CFAP100: variants seen among roughly 807,000 people sequenced by gnomAD.
CFAP100 encodes cilia and flagella associated protein 100.
Under a neutral mutation model 81.5 loss-of-function variants are expected in CFAP100, and 70 were observed. The observed-to-expected ratio is 0.86, with a 90% CI of 0.71 to 1.05. The LOEUF is 1.05. Ranked by LOEUF, CFAP100 falls within the 50% of genes least tolerant of loss-of-function variation. The pLI, the probability that CFAP100 is intolerant of heterozygous loss-of-function variation, is 0.00. For synonymous variants in CFAP100, 341 were observed against 314.8 expected (o/e 1.08, Z -0.88); for missense variants, 811 against 776.5 (o/e 1.04, Z -0.53).
intron 13 of CFAP100, among the ~76,000 whole-genome samples, chr3:126,428,483 G>A (rs1003063132): frequency 2.6e-5 from 4 of 152,188 alleles, no homozygotes; most frequent in African/African-American, 7.2e-5. Flanking sequence ...AGAATACACA[G>A]TACCAAGAGG....
intron 15 of CFAP100, chr3:126,434,607 C>A: frequency 1.8e-6 from 1 of 543,122 alleles, no homozygotes; most frequent in Non-Finnish European, 3.3e-6. Context: ...CTCGATGTGG[C>A]CAGGAGGCTC....
At chr3:126,398,277 T>TGGGGGGG (rs2082919472) in intron 2 of CFAP100, among the ~76,000 whole-genome samples, 1 of 152,156 alleles carries the variant, frequency 6.6e-6, no homozygotes, top group Non-Finnish European at 1.5e-5. Context: ...GGAGAGGCAC[T>TGGGGGGG]GGGGTCGCGC....
At chr3:126,419,481 T>C (rs1159318966) in intron 8 of CFAP100, among the ~76,000 whole-genome samples, 156 bp from the exon 9 acceptor site, 1 of 152,176 alleles carries the variant, frequency 6.6e-6, no homozygotes. Context: ...GGTGGGTGCC[T>C]GTCTTCCAGC....
intron 8 of CFAP100, 59 bp from the exon 9 acceptor site, chr3:126,419,578 C>A (rs1158929406): frequency 6.5e-7 from 1 of 1,528,022 alleles, no homozygotes; most frequent in Admixed American, 1.8e-5. Context: ...GGCATGGGGA[C>A]CTCGCTGTGG....
intron 2 of CFAP100, among the ~76,000 whole-genome samples, chr3:126,401,619 T>C (rs1462253901): frequency 6.7e-6 from 1 of 150,316 alleles, no homozygotes; most frequent in Non-Finnish European, 1.5e-5. Flanking sequence ...AAGGTGACAT[T>C]TGAGTAGAGA....
At chr3:126,419,365 G>C (rs1395024463) in intron 8 of CFAP100, among the ~76,000 whole-genome samples, 1 of 152,222 alleles carries the variant, frequency 6.6e-6, no homozygotes, top group Non-Finnish European at 1.5e-5. Context: ...TTGGAGGTTG[G>C]CAGCTTGGCT....
chr3:126,409,904 C>T (rs558089450), intron 3 of CFAP100, among the ~76,000 whole-genome samples: 2 of 152,124 alleles, frequency 1.3e-5, no homozygotes, highest in African/African-American at 4.8e-5. Flanking sequence ...TAAAAGGCAC[C>T]AATAAAAAGT....
At chr3:126,399,143 T>A (rs933384701) in intron 2 of CFAP100, among the ~76,000 whole-genome samples, 12 of 152,134 alleles carry the variant, frequency 7.9e-5, no homozygotes, top group Non-Finnish European at 1.6e-4. Context: ...CTGCCCTACA[T>A]CCCTCATTGC....
chr3:126,418,191 T>C, intron 5 of CFAP100: 1 of 483,026 alleles, frequency 2.1e-6, no homozygotes, highest in Non-Finnish European at 3.8e-6. Context: ...AAGTGAGTGC[T>C]ACAGCAAGAA....
intron 13 of CFAP100, among the ~76,000 whole-genome samples, chr3:126,431,064 G>A (rs1174163346): frequency 6.6e-6 from 1 of 152,188 alleles, no homozygotes; most frequent in Non-Finnish European, 1.5e-5. Context: ...GCTTCAGCAA[G>A]GAAAGCCAAA....
intron 11 of CFAP100, among the ~76,000 whole-genome samples, chr3:126,421,120 A>G (rs970971730): frequency 6.6e-6 from 1 of 152,172 alleles, no homozygotes; most frequent in Non-Finnish European, 1.5e-5. Flanking sequence ...CTCTTGTCTC[A>G]GCCTCCCGAG....
chr3:126,434,995 T>G (rs1411598681), intron 15 of CFAP100, among the ~76,000 whole-genome samples: 1 of 152,136 alleles, frequency 6.6e-6, no homozygotes, highest in African/African-American at 2.4e-5. Context: ...GTGGCTTCCC[T>G]GGCCTGTGGG....
Position 126,423,564 on chromosome 3 carries a change from G to A in CFAP100, c.1206G>A (p.Leu402=). 6.2e-7 allele frequency: 1 copy of A among 1,614,028 alleles called. No individual in the cohort carries two copies. Among genetic ancestry groups the A allele is most frequent in the Non-Finnish European group, 8.5e-7 (1 of 1,179,912 alleles). Residue 402 remains leucine (L), a synonymous_variant, in exon 13 of 17, where the codon CTG becomes CTA. Coordinates refer to ENST00000352312, the MANE Select transcript of CFAP100 (RefSeq NM_182628.3). ...TCCGAGAGCTGGAGGAGCAGAACCT[G>A]TCGCTGATCCAGAACAGCCAGGAGA... ...DVFRELEEQN[L]SLIQNSQETE... is the part of the protein sequence containing the mutation.
intron 2 of CFAP100, among the ~76,000 whole-genome samples, chr3:126,398,717 A>T (rs551358786): frequency 6.6e-6 from 1 of 152,328 alleles, no homozygotes; most frequent in Admixed American, 6.5e-5. Context: ...GGGACATCCG[A>T]AGCCTGGCCT....
At chr3:126,427,289 C>T (rs567801636) in intron 13 of CFAP100, among the ~76,000 whole-genome samples, 15 of 152,166 alleles carry the variant, frequency 9.9e-5, no homozygotes, top group African/African-American at 2.2e-4. Context: ...TGTTTGGTAC[C>T]GGTGAAAGAA....
chr3:126,407,158 T>C lies in CFAP100; in HGVS notation c.50-14T>C. On this transcript the variant is annotated splice_polypyrimidine_tract_variant and intron_variant, in intron 2 of 16. Coordinates refer to ENST00000352312, the MANE Select transcript of CFAP100 (RefSeq NM_182628.3). ...GGAGTCACTGCTGCGGCCCTCACTT[T>C]TGTGTCTCCTCAGAGAACAGCCTGG... 6.2e-7 allele frequency: 1 copy of C among 1,607,122 alleles called. No individual in the cohort carries two copies. Among genetic ancestry groups the C allele is most frequent in the Non-Finnish European group, 8.5e-7 (1 of 1,174,096 alleles).
chr3:126,427,833 T>C (rs1933019835), intron 13 of CFAP100, among the ~76,000 whole-genome samples: 2 of 152,204 alleles, frequency 1.3e-5, no homozygotes, highest in Admixed American at 6.5e-5. Context: ...TGCTGGCAGC[T>C]GCTCAGGTTC....
chr3:126,414,390 A>T (rs2083202452), intron 4 of CFAP100: 1 of 671,672 alleles, frequency 1.5e-6, no homozygotes, highest in African/African-American at 1.8e-5. Context: ...CCCGTCTGTC[A>T]CCACTCTTCT....
At chr3:126,433,485 A>AG (rs569242909) in intron 14 of CFAP100, 229 of 381,546 alleles carry the variant, frequency 6.0e-4, no homozygotes, top group South Asian at 6.0e-3. Flanking sequence ...GTGATCCTGA[A>AG]GGGGGGGAAG....
Sources: gnomAD v4.1 joint callset for allele counts (sites outside exome capture counted in the v4.1 genomes callset) on GRCh38, gnomAD v4.1.1 for gene constraint, MANE v1.5 for transcripts, NCBI Gene and HGNC (gene_info 2026-07-23, HGNC 2026-07-21) for gene names.